KCNH7: variants seen among roughly 807,000 people sequenced by gnomAD.
The protein encoded by KCNH7 is potassium voltage-gated channel subfamily H member 7.
Under a neutral mutation model 120.8 loss-of-function variants are expected in KCNH7, and 49 were observed. The ratio of observed to expected loss-of-function variants is 0.41; its 90% CI spans 0.32 to 0.51. KCNH7 has a LOEUF of 0.51. KCNH7 is among the 20% of genes least tolerant of loss of function. KCNH7 has a pLI of 0.38. For missense variants in KCNH7, 1,097 were observed against 1,446.6 expected (o/e 0.76, Z 3.92); for synonymous variants, 547 against 516.1 (o/e 1.06, Z -0.81).
intron 7 of KCNH7, among the ~76,000 whole-genome samples, chr2:162,439,702 T>C (rs938195671): frequency 6.6e-5 from 10 of 152,072 alleles, no homozygotes; most frequent in African/African-American, 2.4e-4. Context: ...ATTAATATCA[T>C]TCAATTTCAA....
intron 2 of KCNH7, among the ~76,000 whole-genome samples, chr2:162,699,856 A>G (rs928665828): frequency 6.6e-6 from 1 of 152,148 alleles, no homozygotes; most frequent in African/African-American, 2.4e-5. Context: ...CTTTAAGATA[A>G]TGCCCTCCCT....
chr2:162,532,866 G>GA (rs1424196251), intron 3 of KCNH7, among the ~76,000 whole-genome samples: 1 of 151,898 alleles, frequency 6.6e-6, no homozygotes, highest in East Asian at 1.9e-4. Flanking sequence ...GGTAACAGAT[G>GA]AGAGTCAAGT....
At position 162,384,757 on chromosome 2, in the gene KCNH7, G is replaced by T. The variant is rs766748274; in HGVS notation, c.2893C>A (p.Leu965Ile). 1.2e-6 allele frequency: 2 copies of T among 1,612,598 alleles called. No individual in the cohort carries two copies. Among genetic ancestry groups the T allele is most frequent in the Admixed American group, 3.3e-5 (2 of 59,884 alleles). ...GTGGGCACTGTTTCTTCAAAATCGA[G>T]CCCAGATGCTTTCCCTATTCCTGGA... ...SSPGIGKASG[L>I]DFEETVPTSG... The change falls in exon 13 of 16, where the codon CTC becomes ATC. Residue 965 changes from leucine to isoleucine, a missense_variant. Leu to Ile is a conservative substitution (Grantham distance 5, BLOSUM62 2). Around this residue, in one of 8 missense-constraint regions of KCNH7, gnomAD observed 406 missense variants for 410.5 expected, o/e 0.99. Transcript: ENST00000332142.
At chr2:162,398,719 T>C (rs1390217150) in intron 10 of KCNH7, among the ~76,000 whole-genome samples, 1 of 152,040 alleles carries the variant, frequency 6.6e-6, no homozygotes. Flanking sequence ...TACCTTCTTG[T>C]AGAAGCTAGG....
intron 2 of KCNH7, among the ~76,000 whole-genome samples, chr2:162,696,335 C>T (rs1686286406): frequency 6.6e-6 from 1 of 152,068 alleles, no homozygotes; most frequent in Admixed American, 6.6e-5. Context: ...AGTAGTATTG[C>T]TATTCTGCAT....
intron 6 of KCNH7, among the ~76,000 whole-genome samples, chr2:162,484,452 C>A (rs1690027716): frequency 6.6e-6 from 1 of 152,098 alleles, no homozygotes; most frequent in South Asian, 2.1e-4. Flanking sequence ...TTCATATGCT[C>A]TTAAGGAAGT....
At chr2:162,675,006 T>A (rs1403186698) in intron 2 of KCNH7, among the ~76,000 whole-genome samples, 3 of 151,488 alleles carry the variant, frequency 2.0e-5, no homozygotes, top group Non-Finnish European at 3.0e-5. Flanking sequence ...CTCAAGAAAT[T>A]TATAATGACA....
chr2:162,452,615 A>C (rs1389301299), intron 6 of KCNH7, among the ~76,000 whole-genome samples: 1 of 152,068 alleles, frequency 6.6e-6, no homozygotes, highest in East Asian at 1.9e-4. Context: ...TGCTAACTGC[A>C]GAGGTCCATT....
At chr2:162,379,380 ACT>A (rs1299732707) in intron 14 of KCNH7, among the ~76,000 whole-genome samples, 2 of 152,198 alleles carry the variant, frequency 1.3e-5, no homozygotes, top group African/African-American at 2.4e-5. Context: ...GAAACAAGAA[ACT>A]CTGTGAGAAT....
intron 2 of KCNH7, among the ~76,000 whole-genome samples, chr2:162,800,879 A>G (rs1573903809): frequency 6.6e-6 from 1 of 151,966 alleles, no homozygotes; most frequent in African/African-American, 2.4e-5. Context: ...TTTGTTTCAT[A>G]GTTTTTTTAT....
At chr2:162,721,704 T>G (rs1687329539) in intron 2 of KCNH7, among the ~76,000 whole-genome samples, 1 of 152,106 alleles carries the variant, frequency 6.6e-6, no homozygotes, top group African/African-American at 2.4e-5. Context: ...TAAGTAAATT[T>G]TTTACACCAA....
chr2:162,794,717 GC>G lies in KCNH7; in HGVS notation c.307+41819del, dbSNP rs138898141. 3.4e-3 allele frequency among the ~76,000 whole-genome samples: 524 copies of G among 151,960 alleles called. 3 individuals are homozygous for G. The highest frequency in any genetic ancestry group is 0.012 in the African/African-American group (495 of 41,486). Reference sequence around the variant, plus strand: ...TACCTGAAGTTGCTCTATTAATTAGGCTTACTAAGCCAATTTTTATTGTATA... The same window carrying G: ...TACCTGAAGTTGCTCTATTAATTAGGTTACTAAGCCAATTTTTATTGTATA... On this transcript the variant is annotated intron_variant, in intron 2 of 15. Coordinates refer to ENST00000332142, the MANE Select transcript of KCNH7 (RefSeq NM_033272.4).
chr2:162,582,568 C>G (rs1368984666), intron 2 of KCNH7, among the ~76,000 whole-genome samples: 1 of 152,072 alleles, frequency 6.6e-6, no homozygotes, highest in Non-Finnish European at 1.5e-5. Context: ...AGCTTTGAAG[C>G]CAGCCCTGCT....
intron 3 of KCNH7, among the ~76,000 whole-genome samples, chr2:162,535,744 TA>T (rs1407251032): frequency 6.6e-6 from 1 of 151,726 alleles, no homozygotes; most frequent in Non-Finnish European, 1.5e-5. Flanking sequence ...TTCTGAAAAT[TA>T]ATATCGAATA....
At chr2:162,831,671 C>T (rs900267870) in intron 2 of KCNH7, among the ~76,000 whole-genome samples, 2 of 152,138 alleles carry the variant, frequency 1.3e-5, no homozygotes, top group African/African-American at 4.8e-5. Context: ...AGCAACAAAA[C>T]CAAAACCAAC....
intron 3 of KCNH7, among the ~76,000 whole-genome samples, chr2:162,533,124 T>C (rs1404628618): frequency 2.0e-5 from 3 of 151,834 alleles, no homozygotes; most frequent in African/African-American, 7.2e-5. Context: ...GGAGAGTATA[T>C]AACATTTTCT....
intron 2 of KCNH7, among the ~76,000 whole-genome samples, chr2:162,592,730 T>C (rs1694250746): frequency 6.6e-6 from 1 of 152,088 alleles, no homozygotes; most frequent in South Asian, 2.1e-4. Context: ...AATAAATATA[T>C]AGTTTTTATT....
intron 2 of KCNH7, among the ~76,000 whole-genome samples, chr2:162,606,411 C>T (rs1307887428): frequency 2.6e-5 from 4 of 152,102 alleles, no homozygotes; most frequent in Non-Finnish European, 4.4e-5. Flanking sequence ...ATTGATTTAA[C>T]CAGCAGTAAA....
intron 7 of KCNH7, among the ~76,000 whole-genome samples, chr2:162,443,646 C>T (rs1037756037): frequency 6.6e-6 from 1 of 152,152 alleles, no homozygotes; most frequent in Non-Finnish European, 1.5e-5. Context: ...GTTGTTTTGT[C>T]CTGCATCACA....
Sources: gnomAD v4.1 joint callset for allele counts (sites outside exome capture counted in the v4.1 genomes callset) on GRCh38, gnomAD v4.1.1 for gene constraint, gnomAD v4.1.1 regional missense constraint, MANE v1.5 for transcripts, NCBI Gene and HGNC (gene_info 2026-07-23, HGNC 2026-07-21) for gene names.